Variants in DPP6 observed in about 807,000 individuals in gnomAD.
The protein encoded by DPP6 is A-type potassium channel modulatory protein DPP6.
A neutral mutation model predicts 122.6 loss-of-function variants in DPP6; 69 were observed. The ratio of observed to expected loss-of-function variants is 0.56; its 90% confidence interval spans 0.46 to 0.69. The LOEUF is 0.69. Among genes scored for constraint, DPP6 ranks in the 30% least tolerant of loss-of-function variants. The pLI is 0.00. For missense variants in DPP6, 928 were observed against 1,116.9 expected (o/e 0.83, Z 2.41); for synonymous variants, 418 against 433.1 (o/e 0.97, Z 0.43).
At chr7:154,054,855 G>A (rs1800679254) in intron 1 of DPP6, among the ~76,000 whole-genome samples, 1 of 150,530 alleles carries the variant, frequency 6.6e-6, no homozygotes. Flanking sequence ...GGCTCTAGGT[G>A]TCGCTAGGAG....
At chr7:153,965,031 C>CCTTCCTTT (rs1373802306) in intron 1 of DPP6, among the ~76,000 whole-genome samples, 49 of 120,074 alleles carry the variant, frequency 4.1e-4, no homozygotes, top group African/African-American at 1.9e-3. Context: ...TTCCTTCCTT[C>CCTTCCTTT]CTTTCTTTCT....
intron 5 of DPP6, among the ~76,000 whole-genome samples, chr7:154,573,443 C>CA (rs1831258061): frequency 6.6e-6 from 1 of 152,252 alleles, no homozygotes; most frequent in Non-Finnish European, 1.5e-5. Context: ...AGTGGATGAA[C>CA]AGCCTGTCCA....
At chr7:154,447,488 T>C (rs1819985509) in intron 2 of DPP6, among the ~76,000 whole-genome samples, 1 of 152,044 alleles carries the variant, frequency 6.6e-6, no homozygotes, top group Non-Finnish European at 1.5e-5. Flanking sequence ...AAAAAGTAGA[T>C]ATTATAATAT....
the DPP6 span, among the ~76,000 whole-genome samples, chr7:153,777,475 T>C: frequency 7.6e-6 from 1 of 130,730 alleles, no homozygotes; most frequent in Admixed American, 8.4e-5. Context: ...CATCAAAAGC[T>C]GGAAACTACT....
chr7:154,049,607 G>A (rs1437683239), upstream of DPP6, among the ~76,000 whole-genome samples: 1 of 124,422 alleles, frequency 8.0e-6, no homozygotes, highest in Non-Finnish European at 1.8e-5. Context: ...TATTTATTTA[G>A]AGATGGAGTC....
the DPP6 span, among the ~76,000 whole-genome samples, chr7:153,792,944 C>A: frequency 3.9e-5 from 6 of 152,108 alleles, no homozygotes; most frequent in African/African-American, 1.4e-4. Context: ...CTCTTGCCAC[C>A]GCCATGTAAG....
intron 2 of DPP6, among the ~76,000 whole-genome samples, chr7:154,458,716 A>C (rs1039476992): frequency 1.3e-5 from 2 of 152,202 alleles, no homozygotes; most frequent in Non-Finnish European, 2.9e-5. Context: ...CAGGCAGGCA[A>C]AAGAATGCAC....
chr7:154,108,643 G>T (rs556241244), intron 1 of DPP6, among the ~76,000 whole-genome samples: 4 of 152,306 alleles, frequency 2.6e-5, no homozygotes, highest in African/African-American at 9.6e-5. Flanking sequence ...AACACAGGCT[G>T]CAGAGCATCC....
chr7:154,360,676 T>C (rs780583909), intron 1 of DPP6, among the ~76,000 whole-genome samples: 4 of 152,212 alleles, frequency 2.6e-5, no homozygotes, highest in Non-Finnish European at 5.9e-5. Context: ...GGCGTAACAA[T>C]GAGTTGTTTT....
At chr7:153,773,018 T>C in the DPP6 span, among the ~76,000 whole-genome samples, 3 of 145,312 alleles carry the variant, frequency 2.1e-5, no homozygotes, top group African/African-American at 7.4e-5. Flanking sequence ...ACATATATTA[T>C]ATAATAATAT....
chr7:154,625,890 G>C (rs1234750335), intron 5 of DPP6, among the ~76,000 whole-genome samples: 5 of 152,220 alleles, frequency 3.3e-5, no homozygotes. Context: ...AGAAAAAGAA[G>C]ACAGTAAATC....
intron 1 of DPP6, among the ~76,000 whole-genome samples, chr7:153,888,274 G>A (rs746719117): frequency 1.3e-5 from 2 of 152,202 alleles, no homozygotes; most frequent in Non-Finnish European, 2.9e-5. Flanking sequence ...CTGCTCCCTG[G>A]ATTGGGGACG....
At chr7:154,794,312 G>T in intron 11 of DPP6, 110 bp downstream of exon 11, 1 of 1,376,202 alleles carries the variant, frequency 7.3e-7, no homozygotes, top group African/African-American at 1.5e-5. Flanking sequence ...CTTGGGGACC[G>T]GCCGCCCAGC....
intron 16 of DPP6, among the ~76,000 whole-genome samples, chr7:154,852,932 T>C (rs991074666): frequency 1.3e-5 from 2 of 152,150 alleles, no homozygotes; most frequent in African/African-American, 4.8e-5. Context: ...GGCAGAGCAT[T>C]TCAGGCAGTG....
At chr7:154,744,387 T>C (rs1223838982) in intron 8 of DPP6, among the ~76,000 whole-genome samples, 2 of 152,120 alleles carry the variant, frequency 1.3e-5, no homozygotes, top group African/African-American at 4.8e-5. Flanking sequence ...TCTTCCCCAC[T>C]AAAGGAACGG....
At chr7:154,714,009 A>G (rs1356455783) in intron 7 of DPP6, among the ~76,000 whole-genome samples, 2 of 152,220 alleles carry the variant, frequency 1.3e-5, no homozygotes, top group Admixed American at 6.5e-5. Flanking sequence ...CTCAAATTTG[A>G]AGTTCCACAG....
intron 1 of DPP6, among the ~76,000 whole-genome samples, chr7:154,130,819 AAT>A (rs1200199151): frequency 2.6e-5 from 4 of 152,052 alleles, no homozygotes; most frequent in Non-Finnish European, 4.4e-5. Flanking sequence ...GCAGCTCCAC[AAT>A]AAAAAAAAAT....
rs551641694 is a variant in DPP6, at chr7:154,497,721, T to C, written c.457+22684T>C. Among the ~76,000 whole-genome samples the C allele has an allele frequency of 3.9e-5, 6 of 152,236 alleles. No individual in the cohort carries two copies. In the East Asian group the frequency reaches 1.2e-3, roughly 29 times the overall value. ...TAAAAAATTTTGAAAATAGAATAAA[T>C]GTATGCCCATTTTTTAAAATTGGCA... is the stretch of plus-strand genomic sequence containing the variant. On this transcript the variant is annotated intron_variant, in intron 3 of 25. Coordinates refer to ENST00000377770, the MANE Select transcript of DPP6 (RefSeq NM_130797.4).
intron 9 of DPP6, 33 bp downstream of exon 9, chr7:154,769,604 T>C: frequency 6.5e-7 from 1 of 1,533,212 alleles, no homozygotes; most frequent in Non-Finnish European, 8.8e-7. Context: ...GCAAATTCTT[T>C]ATATTATTCA....
Sources: allele counts gnomAD v4.1 joint callset (sites outside exome capture counted in the v4.1 genomes callset), GRCh38; gene constraint gnomAD v4.1.1; transcripts MANE v1.5; gene names NCBI Gene and HGNC (gene_info 2026-07-23, HGNC 2026-07-21).